GRM5: variants seen among roughly 807,000 people sequenced by gnomAD.
GRM5 encodes the protein glutamate metabotropic receptor 5, also known as metabotropic glutamate receptor 5.
Under a neutral mutation model 83.1 loss-of-function variants are expected in GRM5, and 19 were observed. The observed-to-expected ratio is 0.23, with a 90% CI of 0.16 to 0.34. The LOEUF (loss-of-function observed/expected upper bound fraction) is 0.34, where lower values mean the gene tolerates loss of function less well. GRM5 is among the 10% of genes least tolerant of loss of function. The pLI, the probability that GRM5 is intolerant of heterozygous loss-of-function variation, is 1.00. For missense variants in GRM5, 1,160 were observed against 1,588.3 expected (o/e 0.73, Z 4.58); for synonymous variants, 675 against 633.6 (o/e 1.07, Z -0.98).
At chr11:88,772,642 C>T (rs554941736) in intron 3 of GRM5, among the ~76,000 whole-genome samples, 61 of 152,004 alleles carry the variant, frequency 4.0e-4, no homozygotes, top group Middle Eastern at 3.4e-3. Context: ...ATGTTCCCCG[C>T]GCTGTGTCCA....
At chr11:88,925,542 T>G (rs1945774734) in intron 2 of GRM5, among the ~76,000 whole-genome samples, 1 of 152,286 alleles carries the variant, frequency 6.6e-6, no homozygotes, top group Admixed American at 6.5e-5. Flanking sequence ...AATAGTTTAC[T>G]GAGTCAATTG....
chr11:88,746,270 G>GTGTT (rs1791842593), intron 3 of GRM5, among the ~76,000 whole-genome samples: 2 of 151,886 alleles, frequency 1.3e-5, no homozygotes, highest in South Asian at 2.1e-4. Context: ...TTTTTTTTGT[G>GTGTT]TGTTTCCTCT....
At position 88,851,034 on chromosome 11, in the gene GRM5, C is replaced by T. The variant is rs1172801745; in HGVS notation, c.662-879G>A. On this transcript the variant is annotated intron_variant, in intron 2 of 9. Transcript: ENST00000305447. ...ACAGAGCAGTTAGGTCCATATTTAC[C>T]TTGAGTTACACTAGCAGTAAGTGGA... 3.9e-5 allele frequency among the ~76,000 whole-genome samples: 6 copies of T among 152,066 alleles called. No individual in the cohort carries two copies. The East Asian group carries it at 1.2e-3, about 29-fold the overall frequency.
At chr11:88,609,161 A>C (rs1404308583) in intron 4 of GRM5, among the ~76,000 whole-genome samples, 2 of 152,122 alleles carry the variant, frequency 1.3e-5, no homozygotes, top group Non-Finnish European at 2.9e-5. Context: ...TTCCTCTTCA[A>C]GCAATCTCCA....
At chr11:88,855,823 C>T (rs570661738) in intron 2 of GRM5, among the ~76,000 whole-genome samples, 2 of 151,784 alleles carry the variant, frequency 1.3e-5, no homozygotes, top group South Asian at 4.2e-4. Context: ...AAACTGTGAG[C>T]CCATAGAGGG....
intron 2 of GRM5, among the ~76,000 whole-genome samples, chr11:89,000,606 A>C (rs539060489): frequency 6.6e-6 from 1 of 152,154 alleles, no homozygotes; most frequent in Non-Finnish European, 1.5e-5. Flanking sequence ...TTTTAGGAAA[A>C]AATAGAACAA....
At chr11:88,747,637 T>C (rs1017270592) in intron 3 of GRM5, among the ~76,000 whole-genome samples, 8 of 151,514 alleles carry the variant, frequency 5.3e-5, no homozygotes, top group African/African-American at 1.7e-4. Context: ...CACTAGAATA[T>C]ACATACTTTA....
At chr11:88,920,429 C>CA (rs1565292448) in intron 2 of GRM5, among the ~76,000 whole-genome samples, 1 of 1,440 alleles carries the variant, frequency 6.9e-4, no homozygotes, top group African/African-American at 1.6e-3. Context: ...AAAAAAAAAA[C>CA]CAAAAAAAAA....
At chr11:89,055,862 C>T (rs904289834) in intron 1 of GRM5, among the ~76,000 whole-genome samples, 2 of 151,974 alleles carry the variant, frequency 1.3e-5, no homozygotes, top group Non-Finnish European at 2.9e-5. Context: ...CATGAAATGA[C>T]ATTTAGTTGT....
intron 3 of GRM5, among the ~76,000 whole-genome samples, chr11:88,761,030 A>T (rs902884161): frequency 7.2e-5 from 11 of 152,174 alleles, no homozygotes; most frequent in African/African-American, 2.7e-4. Flanking sequence ...AACCCTTAAT[A>T]AACTAGTTAT....
chr11:88,850,205 A>T, intron 2 of GRM5, 50 bp from the exon 3 acceptor site: 1 of 788,482 alleles, frequency 1.3e-6, no homozygotes, highest in Non-Finnish European at 2.2e-6. Flanking sequence ...AGAGTGTTGC[A>T]TTAATTGGGT....
At chr11:88,843,148 T>C (rs561810968) in intron 3 of GRM5, among the ~76,000 whole-genome samples, 43 of 152,350 alleles carry the variant, frequency 2.8e-4, no homozygotes, top group African/African-American at 9.6e-4. Context: ...ACACATCTGT[T>C]GGCACTATTT....
chr11:88,520,655 T>C (rs990239779), intron 9 of GRM5, among the ~76,000 whole-genome samples: 7 of 152,066 alleles, frequency 4.6e-5, no homozygotes, highest in Non-Finnish European at 1.0e-4. Context: ...ATCTCTAGAG[T>C]CTTTTGAGTC....
At chr11:88,652,971 A>T (rs539846071) in intron 4 of GRM5, among the ~76,000 whole-genome samples, 197 bp downstream of exon 4, 2 of 152,230 alleles carry the variant, frequency 1.3e-5, no homozygotes, top group African/African-American at 4.8e-5. Context: ...ATCACATAAA[A>T]TATCACTAAA....
At chr11:88,904,163 A>G (rs1945365064) in intron 2 of GRM5, among the ~76,000 whole-genome samples, 2 of 152,170 alleles carry the variant, frequency 1.3e-5, no homozygotes, top group Admixed American at 1.3e-4. Flanking sequence ...GTTAAGAAGT[A>G]AAACTAGACT....
At position 88,687,575 on chromosome 11, in the gene GRM5, ATATAATAT is replaced by A. The variant is rs1565187202; in HGVS notation, c.912-34180_912-34173del. Among the ~76,000 whole-genome samples the A allele has an allele frequency of 2.9e-3, 116 of 39,638 alleles. 26 individuals carry two copies. Among genetic ancestry groups the A allele is most frequent in the African/African-American group, 0.017 (94 of 5,378 alleles). 26.0% of individuals were successfully genotyped at this position (39,638 alleles called of 152,430 possible). A position where few individuals can be genotyped will look rare whatever the true frequency, so the allele number is the denominator to read the frequency against. ...ACACATATATATTATATATATATAT[ATATAATAT>A]ATATATATATATATTCTCCACATGT... On this transcript the variant is annotated intron_variant, in intron 3 of 9. Coordinates refer to ENST00000305447, the MANE Select transcript of GRM5 (RefSeq NM_001143831.3).
rs1399190758 is a variant in GRM5, at chr11:88,950,445, G to C, written c.661+96767C>G. On this transcript the variant is annotated intron_variant, in intron 2 of 9. Coordinates refer to ENST00000305447, the MANE Select transcript of GRM5 (RefSeq NM_001143831.3). ...AGACAATACCAATGGTATTCTCTGG[G>C]AAAATTTTAGTTTTTGTTTTCACTC... Among the ~76,000 whole-genome samples the C allele has an allele frequency of 3.3e-5, 5 of 151,492 alleles. No homozygotes were observed. In the East Asian group the frequency reaches 9.7e-4, roughly 29 times the overall value.
intron 3 of GRM5, among the ~76,000 whole-genome samples, chr11:88,724,112 T>C (rs1941615824): frequency 6.6e-6 from 1 of 152,130 alleles, no homozygotes; most frequent in African/African-American, 2.4e-5. Flanking sequence ...AGCTACCTAT[T>C]CCTCCAGATC....
intron 3 of GRM5, among the ~76,000 whole-genome samples, chr11:88,725,454 G>T (rs147387651): frequency 3.3e-5 from 5 of 152,150 alleles, no homozygotes; most frequent in East Asian, 1.9e-4. Context: ...GACTGTGGGC[G>T]CAGCTTCAGC....
Sources: gnomAD v4.1 joint callset for allele counts (sites outside exome capture counted in the v4.1 genomes callset) on GRCh38, gnomAD v4.1.1 for gene constraint, MANE v1.5 for transcripts, NCBI Gene and HGNC (gene_info 2026-07-23, HGNC 2026-07-21) for gene names.